CSMD1: variants seen among roughly 807,000 people sequenced by gnomAD.
CSMD1 encodes the protein CUB and Sushi multiple domains 1, also known as CUB and sushi domain-containing protein 1.
In CSMD1, 213 loss-of-function variants were observed where a neutral mutation model predicts 417.5. That is an observed-to-expected ratio of 0.51 (90% CI 0.46 to 0.57). CSMD1 has a LOEUF of 0.57. Ranked by LOEUF, CSMD1 falls within the 20% of genes least tolerant of loss-of-function variation. The probability of loss-of-function intolerance (pLI) is 0.00; values close to 1 mark genes in which losing one functional copy is unlikely to be tolerated. For synonymous variants in CSMD1, 2,862 were observed against 1,736.8 expected (o/e 1.65, Z -16.11); for missense variants, 6,923 against 4,529.7 (o/e 1.53, Z -15.17).
intron 5 of CSMD1, among the ~76,000 whole-genome samples, chr8:3,984,041 G>A (rs1158839865): frequency 2.0e-5 from 3 of 147,798 alleles, no homozygotes; most frequent in African/African-American, 7.4e-5. Flanking sequence ...GCACACGGCA[G>A]ATCTGATGGG....
At chr8:4,696,497 G>C (rs1232101219) in intron 1 of CSMD1, among the ~76,000 whole-genome samples, 2 of 152,184 alleles carry the variant, frequency 1.3e-5, no homozygotes, top group Non-Finnish European at 2.9e-5. Flanking sequence ...TCAGAGATCT[G>C]TAGAGGAAAA....
chr8:3,792,593 T>A (rs907197225), intron 5 of CSMD1, among the ~76,000 whole-genome samples: 22 of 152,104 alleles, frequency 1.4e-4, no homozygotes, highest in African/African-American at 5.3e-4. Flanking sequence ...CCACATACCT[T>A]CCTCTTCCTT....
intron 5 of CSMD1, among the ~76,000 whole-genome samples, chr8:3,952,397 C>A (rs979718392): frequency 2.0e-5 from 3 of 152,152 alleles, no homozygotes; most frequent in Non-Finnish European, 2.9e-5. Flanking sequence ...TTAGTTTCTT[C>A]ATTAAAAATA....
At chr8:4,708,238 C>T (rs1040532641) in intron 1 of CSMD1, among the ~76,000 whole-genome samples, 1 of 152,300 alleles carries the variant, frequency 6.6e-6, no homozygotes, top group East Asian at 1.9e-4. Context: ...GCATGAGCCA[C>T]TGCATCTGGC....
chr8:3,067,990 A>G lies in CSMD1; in HGVS notation c.7475-15343T>C, dbSNP rs201430355. ...GCTCTGAAGTGTGTGTTCCTTCCCAATAACAGAATGGCTTTTTGTTGTAAT... is the reference window on the plus strand; with the variant it reads ...GCTCTGAAGTGTGTGTTCCTTCCCAGTAACAGAATGGCTTTTTGTTGTAAT... On this transcript the variant is annotated intron_variant, in intron 49 of 69. Transcript: ENST00000635120. Among the ~76,000 whole-genome samples the G allele has an allele frequency of 9.9e-5, 15 of 152,272 alleles. No homozygotes were observed. In the East Asian group the frequency reaches 2.7e-3, roughly 27 times the overall value.
At chr8:4,471,751 C>G (rs999290215) in intron 2 of CSMD1, among the ~76,000 whole-genome samples, 2 of 152,048 alleles carry the variant, frequency 1.3e-5, no homozygotes, top group African/African-American at 4.8e-5. Flanking sequence ...GAAGTTAGAC[C>G]CATTTCTTTA....
intron 1 of CSMD1, among the ~76,000 whole-genome samples, chr8:4,933,908 T>C (rs1455924692): frequency 1.3e-5 from 2 of 152,180 alleles, no homozygotes; most frequent in Non-Finnish European, 2.9e-5. Flanking sequence ...TTTCATTTGT[T>C]ACATTTTTAA....
chr8:3,376,922 C>A (rs990689532), intron 18 of CSMD1, among the ~76,000 whole-genome samples: 4 of 152,146 alleles, frequency 2.6e-5, no homozygotes, highest in Non-Finnish European at 5.9e-5. Context: ...TGAGAACAAG[C>A]CTTATGGTTG....
chr8:4,084,779 C>A (rs891195162), intron 3 of CSMD1, among the ~76,000 whole-genome samples: 4 of 146,808 alleles, frequency 2.7e-5, no homozygotes, highest in African/African-American at 1.0e-4. Flanking sequence ...TTTTATGTAG[C>A]ATTTCCATTC....
chr8:3,902,150 G>C (rs2627424), intron 5 of CSMD1, among the ~76,000 whole-genome samples: 6,266 of 152,100 alleles, frequency 0.041, 438 homozygotes, highest in African/African-American at 0.14. Flanking sequence ...CAATCTTCAA[G>C]CACTGTAGCA....
chr8:4,793,886 A>G (rs1197776836), intron 1 of CSMD1, among the ~76,000 whole-genome samples: 1 of 151,912 alleles, frequency 6.6e-6, no homozygotes, highest in African/African-American at 2.4e-5. Flanking sequence ...AATAAGAATG[A>G]TCAGGTAGCA....
intron 2 of CSMD1, among the ~76,000 whole-genome samples, chr8:4,480,963 C>T (rs1801068543): frequency 6.6e-6 from 1 of 152,128 alleles, no homozygotes; most frequent in Non-Finnish European, 1.5e-5. Context: ...ACAGTCTTCC[C>T]CAGGTGATTC....
At chr8:4,189,131 A>T (rs955386262) in intron 3 of CSMD1, among the ~76,000 whole-genome samples, 1 of 152,232 alleles carries the variant, frequency 6.6e-6, no homozygotes. Context: ...TGCCCTGTAA[A>T]CCAAGTTTGT....
intron 3 of CSMD1, among the ~76,000 whole-genome samples, chr8:4,156,460 C>T (rs1429098969): frequency 1.3e-5 from 2 of 152,150 alleles, no homozygotes; most frequent in East Asian, 3.9e-4. Context: ...TTGGTGCTAA[C>T]TCTTTTATTG....
intron 29 of CSMD1, among the ~76,000 whole-genome samples, 200 bp downstream of exon 29, chr8:3,219,055 T>C (rs79821230): frequency 0.082 from 12,417 of 152,148 alleles, 591 homozygotes; most frequent in African/African-American, 0.12. Flanking sequence ...CCCCTCTCTT[T>C]CTTCCTCCAG....
At chr8:3,431,966 G>C (rs1406195755) in intron 12 of CSMD1, among the ~76,000 whole-genome samples, 1 of 152,184 alleles carries the variant, frequency 6.6e-6, no homozygotes, top group South Asian at 2.1e-4. Context: ...GTAGATGCTT[G>C]ATAGTATCAC....
intron 5 of CSMD1, among the ~76,000 whole-genome samples, chr8:3,961,401 G>C (rs1812310166): frequency 6.6e-6 from 1 of 152,156 alleles, no homozygotes; most frequent in African/African-American, 2.4e-5. Context: ...CACAGTTTCA[G>C]TTTATTTTCC....
intron 3 of CSMD1, among the ~76,000 whole-genome samples, chr8:4,053,003 G>A (rs1397946886): frequency 1.3e-5 from 2 of 152,270 alleles, no homozygotes; most frequent in East Asian, 3.9e-4. Context: ...TAAAGAAGTG[G>A]CCTTATACTT....
Position 4,145,911 on chromosome 8 carries a change from A to C in CSMD1, c.416-113812T>G, listed in dbSNP as rs551006073. 4.0e-5 allele frequency among the ~76,000 whole-genome samples: 6 copies of C among 151,144 alleles called. No individual in the cohort carries two copies. The East Asian group carries it at 1.2e-3, about 29-fold the overall frequency. On this transcript the variant is annotated intron_variant, in intron 3 of 69. Transcript: ENST00000635120. Reference sequence around the variant, plus strand: ...TCTTGCTCAATGCTCATCCCTTGGCACATGATTGGCCCCATTGTTTGTAAG... The same window carrying C: ...TCTTGCTCAATGCTCATCCCTTGGCCCATGATTGGCCCCATTGTTTGTAAG...
Sources: gnomAD v4.1 joint callset for allele counts (sites outside exome capture counted in the v4.1 genomes callset) on GRCh38, gnomAD v4.1.1 for gene constraint, MANE v1.5 for transcripts, NCBI Gene and HGNC (gene_info 2026-07-23, HGNC 2026-07-21) for gene names.